Variants in DDX42 observed in about 807,000 individuals in gnomAD.
DDX42 encodes the protein DEAD-box helicase 42.
A neutral mutation model predicts 101.5 loss-of-function variants in DDX42; 22 were observed. That is an observed-to-expected ratio of 0.22 (90% CI 0.15 to 0.31). The LOEUF is 0.31. Ranked by LOEUF, DDX42 falls within the 10% of genes least tolerant of loss-of-function variation. The pLI is 1.00. For synonymous variants in DDX42, 402 were observed against 401.2 expected, an observed-to-expected ratio of 1.00 and a Z score of -0.02; for missense variants, 849 against 1,199.9, an observed-to-expected ratio of 0.71 and a Z score of 4.32.
Position 63,814,675 on chromosome 17 carries a change from CTTTTTTTT to C in DDX42, c.1903-872_1903-865del, listed in dbSNP as rs58211962. Among the ~76,000 whole-genome samples the C allele has an allele frequency of 4.3e-4, 39 of 90,454 alleles. 1 individual carries two copies. The highest frequency in any genetic ancestry group is 4.3e-3 in the South Asian group (10 of 2,334). The allele number at this position is 90,454 out of a possible 152,430, so 59.3% of individuals were successfully genotyped here. ...ACTTTAACCTTCCCAGAGACATTTGCTTTTTTTTTTTTTTTTTTTTTTTCTTTTTTCTG... is the reference window on the plus strand; with the variant it reads ...ACTTTAACCTTCCCAGAGACATTTGCTTTTTTTTTTTTTTTCTTTTTTCTG... On this transcript the variant is annotated intron_variant, in intron 15 of 17. Coordinates refer to ENST00000389924, the MANE Select transcript of DDX42 (RefSeq NM_203499.3).
At chr17:63,802,828 C>T (rs529756419) in intron 6 of DDX42, among the ~76,000 whole-genome samples, 1 of 150,156 alleles carries the variant, frequency 6.7e-6, no homozygotes, top group South Asian at 2.1e-4. Context: ...GAGAGTCACT[C>T]AAATCCAGGA....
chr17:63,793,609 T>C (rs2039654647), intron 3 of DDX42, among the ~76,000 whole-genome samples: 1 of 152,062 alleles, frequency 6.6e-6, no homozygotes, highest in Non-Finnish European at 1.5e-5. Flanking sequence ...GACATATAAT[T>C]TTATCCATCA....
upstream of DDX42, chr17:63,774,045 C>T (rs144961397): frequency 2.2e-3 from 489 of 218,762 alleles, 3 homozygotes; most frequent in Middle Eastern, 7.7e-3. Context: ...ACTGCAGTTT[C>T]CCGTCAGAGT....
At chr17:63,799,446 T>G in intron 4 of DDX42, 143 bp from the exon 5 acceptor site, 1 of 780,190 alleles carries the variant, frequency 1.3e-6, no homozygotes, top group Non-Finnish European at 2.1e-6. Context: ...GTGGATAGTT[T>G]ATAGTGTGCT....
At chr17:63,795,146 A>G (rs139590295) in intron 3 of DDX42, among the ~76,000 whole-genome samples, 239 of 152,252 alleles carry the variant, frequency 1.6e-3, no homozygotes, top group South Asian at 5.2e-3. Context: ...GATCTTGTCT[A>G]ATAGTTCAGA....
intron 2 of DDX42, among the ~76,000 whole-genome samples, chr17:63,791,729 A>C (rs2144546773): frequency 6.6e-6 from 1 of 152,308 alleles, no homozygotes; most frequent in South Asian, 2.1e-4. Flanking sequence ...TATAAAGAAT[A>C]AACTGGATTT....
chr17:63,792,045 C>CAAAA (rs36034247), intron 2 of DDX42, among the ~76,000 whole-genome samples: 1 of 138,148 alleles, frequency 7.2e-6, no homozygotes, highest in Non-Finnish European at 1.6e-5. Flanking sequence ...AACCCCGTCT[C>CAAAA]AAAAAAAAAA....
intron 1 of DDX42, among the ~76,000 whole-genome samples, chr17:63,786,395 ATC>A (rs769935954): frequency 6.6e-6 from 1 of 152,198 alleles, no homozygotes; most frequent in Non-Finnish European, 1.5e-5. Context: ...CTGGAAATGA[ATC>A]TCTTAATGAG....
At chr17:63,815,483 T>C in intron 15 of DDX42, 80 bp from the exon 16 acceptor site, 1 of 1,086,352 alleles carries the variant, frequency 9.2e-7, no homozygotes, top group Non-Finnish European at 1.4e-6. Flanking sequence ...CCTTCCCACT[T>C]AATTTCCTCT....
rs2039696627 is a variant in DDX42, at chr17:63,796,643, A to C, written c.373-1395A>C. Among the ~76,000 whole-genome samples the C allele has an allele frequency of 2.0e-5, 3 of 152,160 alleles. No individual in the cohort carries two copies. In the South Asian group the frequency reaches 6.2e-4, roughly 32 times the overall value. On this transcript the variant is annotated intron_variant, in intron 3 of 17. Coordinates refer to ENST00000389924, the MANE Select transcript of DDX42 (RefSeq NM_203499.3). Reference sequence around the variant, plus strand: ...GATGTCAAATTTTATAGAAAGTATAAACTTTTCTAGTGCTTGAACTAGATG... The same window carrying C: ...GATGTCAAATTTTATAGAAAGTATACACTTTTCTAGTGCTTGAACTAGATG...
At chr17:63,787,922 T>TTG (rs141481953) in intron 2 of DDX42, among the ~76,000 whole-genome samples, 35,785 of 143,550 alleles carry the variant, frequency 0.25, 4,361 homozygotes, top group Middle Eastern at 0.34. Flanking sequence ...TTTTTTTTTT[T>TTG]GGAGGCAGAG....
chr17:63,784,204 A>G (rs527401010), intron 1 of DDX42, among the ~76,000 whole-genome samples: 1 of 152,366 alleles, frequency 6.6e-6, no homozygotes, highest in South Asian at 2.1e-4. Flanking sequence ...CTCTTCGACA[A>G]TGTTACTATA....
intron 3 of DDX42, among the ~76,000 whole-genome samples, chr17:63,797,376 G>A (rs969776620): frequency 2.2e-5 from 3 of 133,574 alleles, no homozygotes; most frequent in African/African-American, 8.2e-5. Flanking sequence ...AAAAAGAATT[G>A]CCTATGAAAA....
chr17:63,792,597 A>G (rs1474574041), intron 3 of DDX42, 35 bp downstream of exon 3: 4 of 1,576,506 alleles, frequency 2.5e-6, no homozygotes. Context: ...AATATTTAGC[A>G]GTTAGAAATA....
In DDX42 at chr17:63,818,466, T is replaced by G; in HGVS notation, c.*68T>G. On this transcript the variant is annotated 3_prime_UTR_variant, in exon 18 of 18. Transcript: ENST00000389924. ...AGAAAGATTTTGGTAACTAGGTGTC[T>G]CAGGGCTGGGTTGGGGTCCAAAGTG... The G allele has an allele frequency of 6.8e-7, 1 of 1,481,066 alleles. No individual in the cohort carries two copies. The highest frequency in any genetic ancestry group is 9.0e-7 in the Non-Finnish European group (1 of 1,104,994). The allele number at this position is 1,481,066 out of a possible 1,614,324, so 91.7% of individuals were successfully genotyped here.
intron 7 of DDX42, 72 bp downstream of exon 7, chr17:63,805,247 A>G: frequency 1.3e-6 from 2 of 1,525,222 alleles, no homozygotes; most frequent in African/African-American, 1.4e-5. Flanking sequence ...TTGGTTATCT[A>G]AACTAATAAC....
chr17:63,801,322 T>C (rs1235895171), intron 6 of DDX42, among the ~76,000 whole-genome samples: 1 of 152,120 alleles, frequency 6.6e-6, no homozygotes, highest in African/African-American at 2.4e-5. Context: ...CCCAAAGCGC[T>C]GGGATTACAG....
intron 1 of DDX42, among the ~76,000 whole-genome samples, chr17:63,781,294 C>T (rs939047574): frequency 9.2e-5 from 14 of 152,088 alleles, no homozygotes; most frequent in Admixed American, 7.2e-4. Context: ...CTTGGCTCAC[C>T]GCAAGCTCTA....
chr17:63,807,905 G>A lies in DDX42; in HGVS notation c.1023+5G>A. 1 of 1,610,342 alleles carries A rather than the reference G, an allele frequency of 6.2e-7. No homozygotes were observed. Among genetic ancestry groups the A allele is most frequent in the Non-Finnish European group, 8.5e-7 (1 of 1,178,156 alleles). ...ACCAGGGAGCTTTGCCAGCAGGTATGTGCTTTCTATAGAATGCCTCCTTCC... is the reference window on the plus strand; with the variant it reads ...ACCAGGGAGCTTTGCCAGCAGGTATATGCTTTCTATAGAATGCCTCCTTCC... On this transcript the variant is annotated splice_donor_5th_base_variant and intron_variant, in intron 9 of 17. Coordinates refer to ENST00000389924, the MANE Select transcript of DDX42 (RefSeq NM_203499.3).
Sources: gnomAD v4.1 joint callset for allele counts (sites outside exome capture counted in the v4.1 genomes callset) on GRCh38, gnomAD v4.1.1 for gene constraint, MANE v1.5 for transcripts, NCBI Gene and HGNC (gene_info 2026-07-23, HGNC 2026-07-21) for gene names.